The following PLEKHN1 variants were observed in gnomAD, a reference collection of about 807,000 sequenced individuals.
PLEKHN1 encodes pleckstrin homology domain containing N1.
Under a neutral mutation model 72.8 loss-of-function variants are expected in PLEKHN1, and 68 were observed. The observed-to-expected ratio is 0.93, with a 90% CI of 0.77 to 1.14. The LOEUF (loss-of-function observed/expected upper bound fraction) is 1.14, where lower values mean the gene tolerates loss of function less well. Among genes scored for constraint, PLEKHN1 ranks in the 50% most tolerant of loss-of-function variants. The probability of loss-of-function intolerance (pLI) is 0.00; values close to 1 mark genes in which losing one functional copy is unlikely to be tolerated. For missense variants in PLEKHN1, 1,015 were observed against 840.5 expected (o/e 1.21, Z -2.57); for synonymous variants, 454 against 371.6 (o/e 1.22, Z -2.55).
rs765915628 is a variant in PLEKHN1, at chr1:970,743, G to A, written c.469G>A (p.Ala157Thr). 7 of 1,610,126 alleles carry A rather than the reference G, an allele frequency of 4.3e-6. No individual in the cohort carries two copies. In the Admixed American group the frequency reaches 6.7e-5, roughly 15 times the overall value. Residue 157 changes from alanine (A) to threonine (T), a missense_variant, in exon 5 of 16, where the codon GCC becomes ACC. Ala to Thr is a moderately conservative substitution (Grantham distance 58). Coordinates refer to ENST00000379410, the MANE Select transcript of PLEKHN1 (RefSeq NM_032129.3). The surrounding 1 kb of genome is among the most constrained non-coding windows in gnomAD (Gnocchi z 4.2). ...VCPLEGSREH[A>T]FQITGPLPAP... is the part of the protein sequence containing the mutation. The stretch of plus-strand genomic sequence containing the variant: ...CCCGCTCGAGGGGTCCCGAGAGCAC[G>A]CCTTCCAGATCACAGGTGTTTGGGA...
At chr1:971,658 C>T (rs954786962) in intron 8 of PLEKHN1, 7 of 595,772 alleles carry the variant, frequency 1.2e-5, no homozygotes, top group South Asian at 2.0e-5. Flanking sequence ...GAGCCCCTCC[C>T]GGGGACTCCC....
At position 974,674 on chromosome 1, in the gene PLEKHN1, G is replaced by C. The variant is rs993146364; in HGVS notation, c.*99G>C. 1 of 1,423,262 alleles carries C rather than the reference G, an allele frequency of 7.0e-7. No homozygotes were observed. Among genetic ancestry groups the C allele is most frequent in the Admixed American group, 2.3e-5 (1 of 42,824 alleles). 88.2% of individuals were successfully genotyped at this position (1,423,262 alleles called of 1,614,324 possible). ...AATTACAAGTCAGGGTCTGAACCCA[G>C]TGTGATGGGGGGAGTCTCTGGGGCC... is the stretch of plus-strand genomic sequence containing the variant. On this transcript the variant is annotated 3_prime_UTR_variant, in exon 16 of 16. Coordinates refer to ENST00000379410, the MANE Select transcript of PLEKHN1 (RefSeq NM_032129.3).
At chr1:972,688 A>C (rs534606746) in intron 10 of PLEKHN1, among the ~76,000 whole-genome samples, 173 bp from the exon 11 acceptor site, 89 of 152,136 alleles carry the variant, frequency 5.9e-4, no homozygotes, top group Non-Finnish European at 1.1e-3. Context: ...GAATCGCTTG[A>C]CCAGGAGGCG....
Position 974,252 on chromosome 1 carries a change from G to C in PLEKHN1, c.1654-64G>C, listed in dbSNP as rs540488067. ...GACATGGGGGGCTGCACAGTGACAG[G>C]CCGCCTCCAAGCTCCCTGCCTGGGG... On this transcript the variant is annotated intron_variant, in intron 14 of 15. Coordinates refer to ENST00000379410, the MANE Select transcript of PLEKHN1 (RefSeq NM_032129.3). The C allele has an allele frequency of 8.7e-6, 14 of 1,608,384 alleles. No individual in the cohort carries two copies. In the Admixed American group the frequency reaches 1.8e-4, roughly 21 times the overall value.
Position 970,237 on chromosome 1 carries a change from C to G in PLEKHN1, c.184-40C>G, listed in dbSNP as rs376988925. The G allele has an allele frequency of 6.2e-7, 1 of 1,603,020 alleles. No individual in the cohort carries two copies. The highest frequency in any genetic ancestry group is 1.7e-5 in the Admixed American group (1 of 58,678). On this transcript the variant is annotated intron_variant, in intron 2 of 15. Coordinates refer to ENST00000379410, the MANE Select transcript of PLEKHN1 (RefSeq NM_032129.3). The surrounding 1 kb of genome is among the most constrained non-coding windows in gnomAD (Gnocchi z 4.2). ...GGATGCGAGCGGAGGGGGTGGGGGG[C>G]CCAGGGGAGGCCCCCTCCCCTGAGC...
At chr1:973,462 T>C in intron 12 of PLEKHN1, 38 bp from the exon 13 acceptor site, 1 of 1,606,004 alleles carries the variant, frequency 6.2e-7, no homozygotes, top group African/African-American at 1.3e-5. Flanking sequence ...AGGCTGTTTC[T>C]AGCCGAGAAG....
At chr1:971,031 C>G (rs1198520187) in intron 6 of PLEKHN1, 25 bp downstream of exon 6, 2 of 1,057,802 alleles carry the variant, frequency 1.9e-6, no homozygotes, top group East Asian at 2.4e-5. Flanking sequence ...CCCCACCCCC[C>G]TCCCCACCCT....
rs557616036 is a variant in PLEKHN1 at position 974,165 on chromosome 1, G to A, written c.1653+114G>A. 35 of 1,489,710 alleles carry A rather than the reference G, an allele frequency of 2.3e-5. No homozygotes were observed. The South Asian group carries it at 3.7e-4, about 16-fold the overall frequency. 92.3% of individuals were successfully genotyped at this position (1,489,710 alleles called of 1,614,324 possible). A position where few individuals can be genotyped will look rare whatever the true frequency, so the allele number is the denominator to read the frequency against. ...GGAGGGAAACAGGAGGACGGGGGCA[G>A]ATGGAGGCCAGGGGGGCCAGTAGGG... On this transcript the variant is annotated intron_variant, in intron 14 of 15. Coordinates refer to ENST00000379410, the MANE Select transcript of PLEKHN1 (RefSeq NM_032129.3).
chr1:974,159 G>A, intron 14 of PLEKHN1, 108 bp downstream of exon 14: 2 of 1,487,588 alleles, frequency 1.3e-6, no homozygotes, highest in Non-Finnish European at 1.8e-6. Flanking sequence ...CAGGAGGACG[G>A]GGGCAGATGG....
In PLEKHN1 at chr1:970,962, G is replaced by A. The variant is rs774208870; in HGVS notation, c.568G>A (p.Ala190Thr). Residue 190 changes from alanine (A) to threonine (T), a missense_variant, in exon 6 of 16, where the codon GCC becomes ACC. Transcript: ENST00000379410. The surrounding 1 kb of genome is among the most constrained non-coding windows in gnomAD (Gnocchi z 4.2). ...RWLYHLEKQT[A>T]LLGGPRRCHS... ...GCTTTACCACCTGGAGAAGCAGACG[G>A]CCCTCCTCGGGGGGCCGCGGCGCTG... is the stretch of plus-strand genomic sequence containing the variant. 3.7e-6 allele frequency: 6 copies of A among 1,607,564 alleles called. No individual in the cohort carries two copies. The highest frequency in any genetic ancestry group is 4.2e-6 in the Non-Finnish European group (5 of 1,177,876).
At position 966,482 on chromosome 1, in the gene PLEKHN1, A is replaced by G; in HGVS notation, c.-50A>G. The G allele has an allele frequency of 1.3e-6, 2 of 1,519,590 alleles. No individual in the cohort carries two copies. Among genetic ancestry groups the G allele is most frequent in the Non-Finnish European group, 1.8e-6 (2 of 1,114,970 alleles). 94.1% of individuals were successfully genotyped at this position (1,519,590 alleles called of 1,614,324 possible). ...CCGCCTGCCCGCGGGAGGCGGGGGC[A>G]GGAGGCTGTGGACAGGGACCCAGAC... is the stretch of plus-strand genomic sequence containing the variant. On this transcript the variant is annotated 5_prime_UTR_variant, in exon 1 of 16. Coordinates refer to ENST00000379410, the MANE Select transcript of PLEKHN1 (RefSeq NM_032129.3).
chr1:975,789 C>T lies in PLEKHN1; in HGVS notation c.*1214C>T, dbSNP rs1418728244. 1 of 193,670 alleles carries T rather than the reference C, an allele frequency of 5.2e-6. No individual in the cohort carries two copies. Among genetic ancestry groups the T allele is most frequent in the East Asian group, 1.6e-4 (1 of 6,446 alleles). The allele number at this position is 193,670 out of a possible 1,614,324, so 12.0% of individuals were successfully genotyped here. ...TCCTGCCACTCAGCTCCCCCTGCAC[C>T]CCAGAAGAAACGCAGGGTGCGGTTG... On this transcript the variant is annotated 3_prime_UTR_variant, in exon 16 of 16. Coordinates refer to ENST00000379410, the MANE Select transcript of PLEKHN1 (RefSeq NM_032129.3).
chr1:972,970 CA>C lies in PLEKHN1; in HGVS notation c.1113del (p.Val372CysfsTer30), dbSNP rs751016947. On this transcript the variant is annotated frameshift_variant, in exon 11 of 16. Coordinates refer to ENST00000379410, the MANE Select transcript of PLEKHN1 (RefSeq NM_032129.3). LOFTEE classifies it high-confidence loss of function. ...TRTSHSLPES[S>X]VPSTVGCSSQ... ...ACCAGCCACTCCCTGCCTGAGTCCT[CA>C]GTGCCATCCACCGTGGGCTGCTCCT... The C allele has an allele frequency of 6.3e-7, 1 of 1,588,756 alleles. No individual in the cohort carries two copies. The highest frequency in any genetic ancestry group is 8.6e-7 in the Non-Finnish European group (1 of 1,167,066).
At position 974,015 on chromosome 1, in the gene PLEKHN1, G is replaced by A. The variant is rs1243525216; in HGVS notation, c.1617G>A (p.Lys539=). 1 of 1,601,724 alleles carries A rather than the reference G, an allele frequency of 6.2e-7. No homozygotes were observed. The highest frequency in any genetic ancestry group is 8.5e-7 in the Non-Finnish European group (1 of 1,176,534). Residue 539 remains lysine, a synonymous_variant, in exon 14 of 16, where the codon AAG becomes AAA. Transcript: ENST00000379410. ...RAAQRHRGSA[K]DGGPQPPDAP... ...CTCAGAGACACCGGGGCTCAGCCAA[G>A]GATGGGGGGCCGCAGCCCCCAGACG...
In PLEKHN1 at chr1:975,185, G is replaced by C. The variant is rs1330546863; in HGVS notation, c.*610G>C. 1 of 152,356 alleles carries C rather than the reference G, an allele frequency of 6.6e-6. No individual in the cohort carries two copies. Among genetic ancestry groups the C allele is most frequent in the Non-Finnish European group, 1.5e-5 (1 of 68,222 alleles). The allele number at this position is 152,356 out of a possible 1,614,324, so 9.4% of individuals were successfully genotyped here. On this transcript the variant is annotated 3_prime_UTR_variant, in exon 16 of 16. Coordinates refer to ENST00000379410, the MANE Select transcript of PLEKHN1 (RefSeq NM_032129.3). ...AGAAGGAAAGAGAGAGAGAGAATAAGAAAAGGAAGAAAGAAAAAGAAAAGA... is the reference window on the plus strand; with the variant it reads ...AGAAGGAAAGAGAGAGAGAGAATAACAAAAGGAAGAAAGAAAAAGAAAAGA...
intron 2 of PLEKHN1, 54 bp downstream of exon 2, chr1:966,857 G>T: frequency 6.7e-7 from 1 of 1,493,744 alleles, no homozygotes; most frequent in Non-Finnish European, 9.0e-7. Context: ...CTGCCCGCGC[G>T]TGTGTGCCGT....
Position 970,216 on chromosome 1 carries a change from G to C in PLEKHN1, c.184-61G>C. 1 of 1,567,324 alleles carries C rather than the reference G, an allele frequency of 6.4e-7. No individual in the cohort carries two copies. The highest frequency in any genetic ancestry group is 8.7e-7 in the Non-Finnish European group (1 of 1,149,848). ...GCTATAGTCCTGTAGCTGTGTGGAT[G>C]CGAGCGGAGGGGGTGGGGGGCCCAG... is the stretch of plus-strand genomic sequence containing the variant. On this transcript the variant is annotated intron_variant, in intron 2 of 15. Transcript: ENST00000379410. The surrounding 1 kb of genome is among the most constrained non-coding windows in gnomAD (Gnocchi z 4.2).
chr1:971,496 G>A, intron 8 of PLEKHN1, 92 bp downstream of exon 8: 2 of 1,243,522 alleles, frequency 1.6e-6, no homozygotes, highest in East Asian at 2.5e-5. Context: ...GTATTTCGGG[G>A]CTTGTTGAGA....
In PLEKHN1 at chr1:970,380, T is replaced by C. The variant is rs878922724; in HGVS notation, c.287T>C (p.Val96Ala). 6.2e-7 allele frequency: 1 copy of C among 1,613,458 alleles called. No homozygotes were observed. The highest frequency in any genetic ancestry group is 1.1e-5 in the South Asian group (1 of 91,070). Residue 96 changes from valine to alanine, a missense_variant, in exon 3 of 16, where the codon GTT becomes GCT. Physicochemically the swap from Val to Ala is moderately conservative, Grantham distance 64 (BLOSUM62 0). Transcript: ENST00000379410. The surrounding 1 kb of genome is among the most constrained non-coding windows in gnomAD (Gnocchi z 4.2). The stretch of plus-strand genomic sequence containing the variant: ...GTGCCTGTGAGGAACCTGGGAAAAG[T>C]TGTGCATTACGCCAAGGTCCAGCTG... ...RRVPVRNLGK[V>A]VHYAKVQLRF...
Sources: gnomAD v4.1 joint callset for allele counts (sites outside exome capture counted in the v4.1 genomes callset) on GRCh38, gnomAD v4.1.1 for gene constraint, Gnocchi (gnomAD v3.1) non-coding constraint, MANE v1.5 for transcripts, NCBI Gene and HGNC (gene_info 2026-07-23, HGNC 2026-07-21) for gene names.